OLFM3: variants seen among roughly 807,000 people sequenced by gnomAD.
OLFM3 encodes the protein noelin-3.
A neutral mutation model predicts 48.6 loss-of-function variants in OLFM3; 20 were observed. The ratio of observed to expected loss-of-function variants is 0.41; its 90% confidence interval spans 0.29 to 0.60. The LOEUF (loss-of-function observed/expected upper bound fraction) is 0.60. OLFM3 is among the 20% of genes least tolerant of loss of function. The probability of loss-of-function intolerance (pLI) is 0.28; values close to 1 mark genes in which losing one functional copy is unlikely to be tolerated. For missense variants in OLFM3, 437 were observed against 544.3 expected, an observed-to-expected ratio of 0.80 and a Z score of 1.96; for synonymous variants, 222 against 198.1, an observed-to-expected ratio of 1.12 and a Z score of -1.01.
In OLFM3 at chr1:101,886,700, C is replaced by A. The variant is rs1413798656; in HGVS notation, c.70-49675G>T. ...CAAATGAAACCACGTAGCTGAGGCC[C>A]ACCAACCCACAGAGGTGTGAGACAG... On this transcript the variant is annotated intron_variant, in intron 1 of 5. Coordinates refer to ENST00000370103, the MANE Select transcript of OLFM3 (RefSeq NM_058170.4). Among the ~76,000 whole-genome samples, 12 of 152,148 alleles carry A rather than the reference C, an allele frequency of 7.9e-5. No individual in the cohort carries two copies. The South Asian group carries it at 2.5e-3, about 32-fold the overall frequency.
intron 2 of OLFM3, among the ~76,000 whole-genome samples, chr1:101,831,985 C>G (rs1156698100): frequency 6.6e-6 from 1 of 152,016 alleles, no homozygotes; most frequent in African/African-American, 2.4e-5. Flanking sequence ...TCACCACAAC[C>G]TCCGCCTCCT....
At chr1:101,923,299 A>C (rs1444682883) in intron 1 of OLFM3, among the ~76,000 whole-genome samples, 1 of 152,192 alleles carries the variant, frequency 6.6e-6, no homozygotes, top group African/African-American at 2.4e-5. Flanking sequence ...ATAATATAAG[A>C]TATGGTAGAA....
At position 101,967,313 on chromosome 1, in the gene OLFM3, A is replaced by AAAC. The variant is rs34757797; in HGVS notation, c.69+29434_69+29435insGTT. On this transcript the variant is annotated intron_variant, in intron 1 of 5. Coordinates refer to ENST00000370103, the MANE Select transcript of OLFM3 (RefSeq NM_058170.4). ...TCATTTTGGCCAAAAAACAAAAAAA[A>AAAC]CAAATACCATGACCCCTGTGGCTAT... Among the ~76,000 whole-genome samples the AAAC allele has an allele frequency of 3.9e-3, 591 of 151,438 alleles. 5 individuals are homozygous for AAAC. Among genetic ancestry groups the AAAC allele is most frequent in the Middle Eastern group, 0.017 (5 of 294 alleles).
At chr1:101,819,486 G>C (rs1432943605) in intron 4 of OLFM3, among the ~76,000 whole-genome samples, 3 of 152,186 alleles carry the variant, frequency 2.0e-5, no homozygotes, top group Non-Finnish European at 4.4e-5. Flanking sequence ...GAGTAATTCA[G>C]TTGAAAAATC....
At chr1:101,829,841 C>T (rs1196206456) in intron 3 of OLFM3, among the ~76,000 whole-genome samples, 2 of 148,602 alleles carry the variant, frequency 1.3e-5, no homozygotes, top group Non-Finnish European at 1.5e-5. Context: ...TTTTTCTTTT[C>T]TTTTTTTTTT....
intron 1 of OLFM3, among the ~76,000 whole-genome samples, chr1:101,922,450 G>A (rs1353453082): frequency 6.6e-6 from 1 of 152,074 alleles, no homozygotes; most frequent in Non-Finnish European, 1.5e-5. Flanking sequence ...AGAGGAATGG[G>A]ATGCAGTTGA....
chr1:101,924,717 T>C (rs1659212325), intron 1 of OLFM3, among the ~76,000 whole-genome samples: 1 of 152,188 alleles, frequency 6.6e-6, no homozygotes, highest in African/African-American at 2.4e-5. Flanking sequence ...CCATAATGGT[T>C]AATTTTAAAT....
At chr1:101,919,451 C>A (rs1303987744) in intron 1 of OLFM3, among the ~76,000 whole-genome samples, 1 of 152,098 alleles carries the variant, frequency 6.6e-6, no homozygotes, top group Non-Finnish European at 1.5e-5. Flanking sequence ...AGATCAAATC[C>A]CAGTCCTTAT....
rs1359500245 is a variant in OLFM3 at position 101,826,649 on chromosome 1, G to A, written c.373-1404C>T. Among the ~76,000 whole-genome samples, 3 of 152,168 alleles carry A rather than the reference G, an allele frequency of 2.0e-5. No homozygotes were observed. The East Asian group carries it at 5.8e-4, about 29-fold the overall frequency. Reference sequence around the variant, plus strand: ...TTGTTCACATGTACATATTGAGTGGGAGGCTAAGGAGAGACTTAATAATGA... The same window carrying A: ...TTGTTCACATGTACATATTGAGTGGAAGGCTAAGGAGAGACTTAATAATGA... On this transcript the variant is annotated intron_variant, in intron 3 of 5. Coordinates refer to ENST00000370103, the MANE Select transcript of OLFM3 (RefSeq NM_058170.4).
intron 1 of OLFM3, among the ~76,000 whole-genome samples, chr1:101,846,440 A>G (rs548204593): frequency 6.6e-4 from 100 of 152,290 alleles, no homozygotes; most frequent in South Asian, 5.0e-3. Context: ...CTGCTGTAGC[A>G]GAACTAGATT....
chr1:101,888,607 A>G (rs975015421), intron 1 of OLFM3, among the ~76,000 whole-genome samples: 3 of 152,188 alleles, frequency 2.0e-5, no homozygotes, highest in Admixed American at 6.5e-5. Flanking sequence ...CTTCATGACT[A>G]AAACACCAAA....
rs865945839 is a variant in OLFM3 at position 101,956,095 on chromosome 1, T to A, written c.69+40653A>T. 2.4e-4 allele frequency among the ~76,000 whole-genome samples: 35 copies of A among 143,708 alleles called. 1 individual carries two copies. The highest frequency in any genetic ancestry group is 4.7e-4 in the Non-Finnish European group (31 of 66,052). The allele number at this position is 143,708 out of a possible 152,430, so 94.3% of individuals were successfully genotyped here. On this transcript the variant is annotated intron_variant, in intron 1 of 5. Coordinates refer to ENST00000370103, the MANE Select transcript of OLFM3 (RefSeq NM_058170.4). ...TTCAACACAATAACAGGTTTTTTTT[T>A]TTTTTTTTAAAAAAAACCTTTACAG... is the stretch of plus-strand genomic sequence containing the variant.
intron 1 of OLFM3, among the ~76,000 whole-genome samples, chr1:101,881,327 T>A (rs894927558): frequency 6.6e-6 from 1 of 151,936 alleles, no homozygotes; most frequent in African/African-American, 2.4e-5. Flanking sequence ...TTGGCTTATT[T>A]TAGTCAGGCT....
In OLFM3 at chr1:101,996,906, G is replaced by T. The variant is rs1661578641; in HGVS notation, c.-90C>A. On this transcript the variant is annotated 5_prime_UTR_variant, in exon 1 of 6. Coordinates refer to ENST00000370103, the MANE Select transcript of OLFM3 (RefSeq NM_058170.4). ...CTTTCCCTCGTCAGTTGCACTTTCT[G>T]CCTGCCAGTCAGAGCCGAGTGGAAG... The T allele has an allele frequency of 2.2e-6, 3 of 1,378,024 alleles. No homozygotes were observed. Among genetic ancestry groups the T allele is most frequent in the Non-Finnish European group, 3.1e-6 (3 of 973,696 alleles). The allele number at this position is 1,378,024 out of a possible 1,614,324, so 85.4% of individuals were successfully genotyped here.
intron 1 of OLFM3, among the ~76,000 whole-genome samples, chr1:101,863,306 C>A (rs1179840617): frequency 1.3e-5 from 2 of 152,200 alleles, no homozygotes; most frequent in African/African-American, 4.8e-5. Flanking sequence ...TATTTCCAAT[C>A]ATGAATAAGT....
chr1:101,992,850 A>G (rs1414315094), intron 1 of OLFM3, among the ~76,000 whole-genome samples: 1 of 152,154 alleles, frequency 6.6e-6, no homozygotes, highest in African/African-American at 2.4e-5. Context: ...CAATTATGTT[A>G]TTTAGGGCAA....
chr1:101,995,550 G>C lies in OLFM3; in HGVS notation c.69+1198C>G, dbSNP rs541576466. Among the ~76,000 whole-genome samples, 32 of 152,164 alleles carry C rather than the reference G, an allele frequency of 2.1e-4. No individual in the cohort carries two copies. The South Asian group carries it at 6.2e-3, about 30-fold the overall frequency. ...TCATCAGGTCCTTCTAAATATGAAA[G>C]AGTACAGAAATAATTACAAATATAT... is the stretch of plus-strand genomic sequence containing the variant. On this transcript the variant is annotated intron_variant, in intron 1 of 5. Coordinates refer to ENST00000370103, the MANE Select transcript of OLFM3 (RefSeq NM_058170.4).
chr1:101,975,424 G>T lies in OLFM3; in HGVS notation c.69+21324C>A, dbSNP rs563387747. ...TGAATAGTAAAACATTAAAACAAAG[G>T]TTTTCAGTTTTTAAAATATATCCTT... is the stretch of plus-strand genomic sequence containing the variant. On this transcript the variant is annotated intron_variant, in intron 1 of 5. Coordinates refer to ENST00000370103, the MANE Select transcript of OLFM3 (RefSeq NM_058170.4). Among the ~76,000 whole-genome samples the T allele has an allele frequency of 3.3e-5, 5 of 152,230 alleles. No homozygotes were observed. In the South Asian group the frequency reaches 1.0e-3, roughly 32 times the overall value.
At chr1:101,864,526 A>G (rs1334802063) in intron 1 of OLFM3, among the ~76,000 whole-genome samples, 2 of 152,208 alleles carry the variant, frequency 1.3e-5, no homozygotes, top group Non-Finnish European at 2.9e-5. Context: ...CTGTGTTAGT[A>G]TGTAACACAA....
Sources: allele counts gnomAD v4.1 joint callset (sites outside exome capture counted in the v4.1 genomes callset), GRCh38; gene constraint gnomAD v4.1.1; transcripts MANE v1.5; gene names NCBI Gene and HGNC (gene_info 2026-07-23, HGNC 2026-07-21).